Variants in AGBL1 observed in about 807,000 individuals in gnomAD.
AGBL1 encodes cytosolic carboxypeptidase 4.
AGBL1 carries 130 observed loss-of-function variants against 118.9 expected under a neutral mutation model. The observed-to-expected ratio is 1.09, with a 90% CI of 0.95 to 1.26. The LOEUF (loss-of-function observed/expected upper bound fraction) is 1.26. AGBL1 is among the 50% of genes most tolerant of loss of function. AGBL1 has a pLI of 0.00. For synonymous variants in AGBL1, 555 were observed against 478.9 expected (o/e 1.16, Z -2.08); for missense variants, 1,584 against 1,298.1 (o/e 1.22, Z -3.38).
intron 22 of AGBL1, among the ~76,000 whole-genome samples, chr15:86,771,440 C>G (rs555042914): frequency 6.6e-6 from 1 of 152,134 alleles, no homozygotes; most frequent in East Asian, 1.9e-4. Context: ...TGTGCTTTCT[C>G]TTTACAAGAG....
At chr15:86,478,130 G>T (rs1046578641) in intron 18 of AGBL1, among the ~76,000 whole-genome samples, 5 of 152,214 alleles carry the variant, frequency 3.3e-5, no homozygotes, top group Admixed American at 3.3e-4. Flanking sequence ...ATATCATACT[G>T]AATGGGCAAA....
rs543809917 is a variant in AGBL1 at position 86,208,917 on chromosome 15, A to G, written c.489-15997A>G. On this transcript the variant is annotated intron_variant, in intron 5 of 22. Transcript: ENST00000614907. ...TTTTAATTGTGATGTTAGGGTGTCGATTTTAGATCTTTCCTGCTTTCTCTT... is the reference window on the plus strand; with the variant it reads ...TTTTAATTGTGATGTTAGGGTGTCGGTTTTAGATCTTTCCTGCTTTCTCTT... 2.4e-3 allele frequency among the ~76,000 whole-genome samples: 359 copies of G among 152,182 alleles called. 1 individual carries two copies. Among genetic ancestry groups the G allele is most frequent in the Non-Finnish European group, 4.5e-3 (307 of 68,000 alleles).
At chr15:86,744,094 T>C (rs1454449590) in intron 22 of AGBL1, among the ~76,000 whole-genome samples, 2 of 152,122 alleles carry the variant, frequency 1.3e-5, no homozygotes, top group Non-Finnish European at 2.9e-5. Context: ...TGAGACCAGA[T>C]TCTTGCTGAG....
At chr15:86,919,649 G>GA (rs2080465186), downstream of AGBL1, among the ~76,000 whole-genome samples, 1 of 150,522 alleles carries the variant, frequency 6.6e-6, no homozygotes, top group East Asian at 2.0e-4. Flanking sequence ...TATGAATGAA[G>GA]AAAAAACCAG....
intron 21 of AGBL1, among the ~76,000 whole-genome samples, chr15:86,643,206 A>G (rs566451807): frequency 6.6e-6 from 1 of 152,218 alleles, no homozygotes; most frequent in Non-Finnish European, 1.5e-5. Flanking sequence ...TTTGAGAAGT[A>G]CACACATATA....
chr15:86,823,928 C>T (rs1008169663), intron 22 of AGBL1, among the ~76,000 whole-genome samples: 1 of 151,944 alleles, frequency 6.6e-6, no homozygotes, highest in Non-Finnish European at 1.5e-5. Flanking sequence ...AGAATTACCT[C>T]AACAATAAAA....
At chr15:86,680,018 T>C (rs1320194447) in intron 22 of AGBL1, among the ~76,000 whole-genome samples, 1 of 152,152 alleles carries the variant, frequency 6.6e-6, no homozygotes, top group African/African-American at 2.4e-5. Context: ...TGGAACACTT[T>C]AAATTTCCTA....
intron 21 of AGBL1, among the ~76,000 whole-genome samples, chr15:86,612,167 A>G (rs2469161): frequency 0.51 from 77,856 of 151,832 alleles, 20,064 homozygotes; most frequent in East Asian, 0.74. Context: ...AAGAGGAAGG[A>G]TGAGACCCTA....
intron 1 of AGBL1, chr15:86,088,058 A>G (rs1895781384): frequency 6.6e-6 from 1 of 152,296 alleles, no homozygotes; most frequent in African/African-American, 2.4e-5. Flanking sequence ...TCCCTGTTGC[A>G]ACTACTCAAC....
chr15:86,306,452 T>C (rs1013834660), intron 17 of AGBL1, among the ~76,000 whole-genome samples: 1 of 152,198 alleles, frequency 6.6e-6, no homozygotes, highest in African/African-American at 2.4e-5. Context: ...TGTAACATAA[T>C]GATCTCCATT....
intron 21 of AGBL1, among the ~76,000 whole-genome samples, chr15:86,648,748 T>C (rs1485738367): frequency 6.6e-6 from 1 of 152,046 alleles, no homozygotes; most frequent in Non-Finnish European, 1.5e-5. Context: ...GATGAACTAG[T>C]AGTATAGTGT....
At chr15:86,159,068 A>T in intron 5 of AGBL1, 42 bp downstream of exon 5, 1 of 1,542,740 alleles carries the variant, frequency 6.5e-7, no homozygotes, top group Non-Finnish European at 9.0e-7. Flanking sequence ...TTTGTAACAG[A>T]TGGAGAGATG....
chr15:86,853,600 C>T (rs2079437260), intron 22 of AGBL1, among the ~76,000 whole-genome samples: 1 of 152,198 alleles, frequency 6.6e-6, no homozygotes, highest in Non-Finnish European at 1.5e-5. Context: ...ACTTACTACA[C>T]TTGGCTGCCT....
At chr15:86,561,672 G>T (rs1196024303) in intron 21 of AGBL1, among the ~76,000 whole-genome samples, 1 of 152,016 alleles carries the variant, frequency 6.6e-6, no homozygotes, top group Non-Finnish European at 1.5e-5. Context: ...TTAAAGTAGT[G>T]TTTTCCAATT....
intron 21 of AGBL1, among the ~76,000 whole-genome samples, chr15:86,569,375 A>T (rs2083967726): frequency 6.6e-6 from 1 of 151,722 alleles, no homozygotes. Context: ...CTCCCAGGCA[A>T]CAGAGCAAGA....
In AGBL1 at chr15:86,279,798, A is replaced by G. The variant is rs768950601; in HGVS notation, c.2220+15A>G. ...CAGCCCTCATGGTAACTTCCTCTTT[A>G]TAGCATCACTCCAGCAGGACTGAAG... On this transcript the variant is annotated intron_variant, in intron 16 of 22. Coordinates refer to ENST00000614907, the MANE Select transcript of AGBL1 (RefSeq NM_001386094.1). The G allele has an allele frequency of 6.2e-7, 1 of 1,613,048 alleles. No homozygotes were observed. Among genetic ancestry groups the G allele is most frequent in the East Asian group, 2.2e-5 (1 of 44,856 alleles).
intron 20 of AGBL1, among the ~76,000 whole-genome samples, chr15:86,553,449 C>A (rs1200128601): frequency 1.3e-5 from 2 of 151,952 alleles, no homozygotes; most frequent in African/African-American, 4.8e-5. Flanking sequence ...ACATATGAAC[C>A]CAGAGAGGAT....
intron 21 of AGBL1, among the ~76,000 whole-genome samples, chr15:86,621,485 G>A (rs918034500): frequency 6.6e-6 from 1 of 152,298 alleles, no homozygotes; most frequent in South Asian, 2.1e-4. Context: ...TCCTCGCCTT[G>A]TAGCTGCAAC....
intron 6 of AGBL1, among the ~76,000 whole-genome samples, chr15:86,237,155 C>T (rs148406272): frequency 0.012 from 1,786 of 152,276 alleles, 51 homozygotes; most frequent in African/African-American, 0.041. Flanking sequence ...TTCCCAAGGA[C>T]CCTCTTTCCT....
Sources: gnomAD v4.1 joint callset for allele counts (sites outside exome capture counted in the v4.1 genomes callset) on GRCh38, gnomAD v4.1.1 for gene constraint, MANE v1.5 for transcripts, NCBI Gene and HGNC (gene_info 2026-07-23, HGNC 2026-07-21) for gene names.